HIF1AN: variants seen among roughly 807,000 people sequenced by gnomAD.
The protein encoded by HIF1AN is hypoxia inducible factor 1 subunit alpha inhibitor, also known as hypoxia-inducible factor 1-alpha inhibitor.
Under a neutral mutation model 47.7 loss-of-function variants are expected in HIF1AN, and 21 were observed. The ratio of observed to expected loss-of-function variants is 0.44; its 90% confidence interval spans 0.31 to 0.63. The LOEUF (loss-of-function observed/expected upper bound fraction) is 0.63. HIF1AN is among the 30% of genes least tolerant of loss of function. The probability of loss-of-function intolerance (pLI) is 0.07; values close to 1 mark genes in which losing one functional copy is unlikely to be tolerated. For missense variants in HIF1AN, 320 were observed against 432.7 expected (o/e 0.74, Z 2.31); for synonymous variants, 152 against 155.9 (o/e 0.98, Z 0.18).
rs1262230302 is a variant in HIF1AN at position 100,551,543 on chromosome 10, T to C, written c.*3406T>C. 1 of 152,142 alleles carries C rather than the reference T, an allele frequency of 6.6e-6. No homozygotes were observed. Among genetic ancestry groups the C allele is most frequent in the Non-Finnish European group, 1.5e-5 (1 of 68,032 alleles). The allele number at this position is 152,142 out of a possible 1,614,324, so 9.4% of individuals were successfully genotyped here. A position where few individuals can be genotyped will look rare whatever the true frequency, so the allele number is the denominator to read the frequency against. On this transcript the variant is annotated 3_prime_UTR_variant, in exon 8 of 8. Coordinates refer to ENST00000299163, the MANE Select transcript of HIF1AN (RefSeq NM_017902.3). ...CCCAGTTGCCAGCCTGAGATGGATA[T>C]AGGAACAGACATCTTTGGGCATGAG...
rs371283439 is a variant in HIF1AN, at chr10:100,540,721, G to C, written c.516G>C (p.Lys172Asn). ...FLGFNWNWIN[K>N]QQGKRGWGQL... ...GTTTTAACTGGAACTGGATTAATAA[G>C]CAACAGGGAAAGCGTGGCTGGGGGC... The change falls in exon 3 of 8, where the codon AAG becomes AAC. Residue 172 changes from lysine to asparagine, a missense_variant. This residue lies in a region of HIF1AN where 161 missense variants were observed against 272.8 expected (regional missense o/e 0.59). Coordinates refer to ENST00000299163, the MANE Select transcript of HIF1AN (RefSeq NM_017902.3). The C allele has an allele frequency of 8.1e-6, 13 of 1,613,732 alleles. No individual in the cohort carries two copies. Among genetic ancestry groups the C allele is most frequent in the Non-Finnish European group, 1.1e-5 (13 of 1,179,872 alleles).
In HIF1AN at chr10:100,556,122, C is replaced by G. The variant is rs1843213048; in HGVS notation, c.*7985C>G. The G allele has an allele frequency of 6.6e-6, 1 of 152,194 alleles. No individual in the cohort carries two copies. The highest frequency in any genetic ancestry group is 2.4e-5 in the African/African-American group (1 of 41,428). The allele number at this position is 152,194 out of a possible 1,614,324, so 9.4% of individuals were successfully genotyped here. ...TAGCTTTCTGTCTAAGTTCCTGTTT[C>G]TAGTCTCAGGGCATATCTAGTTGTC... On this transcript the variant is annotated 3_prime_UTR_variant, in exon 8 of 8. Coordinates refer to ENST00000299163, the MANE Select transcript of HIF1AN (RefSeq NM_017902.3).
intron 3 of HIF1AN, 149 bp from the exon 4 acceptor site, chr10:100,544,801 TA>T: frequency 1.5e-6 from 1 of 666,842 alleles, no homozygotes; most frequent in Non-Finnish European, 2.6e-6. Flanking sequence ...CTGAGAGTTG[TA>T]ATTGGAATTT....
chr10:100,542,900 C>A (rs1035658469), intron 3 of HIF1AN, among the ~76,000 whole-genome samples: 3 of 128,396 alleles, frequency 2.3e-5, no homozygotes, highest in Non-Finnish European at 4.7e-5. Context: ...CCCTTAAACT[C>A]CACTCAGGAG....
intron 3 of HIF1AN, among the ~76,000 whole-genome samples, chr10:100,541,494 TTTG>T (rs1038251584): frequency 5.9e-5 from 9 of 152,140 alleles, no homozygotes; most frequent in Non-Finnish European, 8.8e-5. Context: ...TCTGTTTTTT[TTTG>T]TTGTTGTTGT....
intron 3 of HIF1AN, among the ~76,000 whole-genome samples, chr10:100,542,806 C>T (rs1348051382): frequency 6.8e-6 from 1 of 146,804 alleles, no homozygotes; most frequent in East Asian, 2.0e-4. Context: ...GTGTTTTCTG[C>T]TAGAGAAATT....
chr10:100,540,598 C>T, intron 2 of HIF1AN, 36 bp from the exon 3 acceptor site: 1 of 1,611,330 alleles, frequency 6.2e-7, no homozygotes, highest in Non-Finnish European at 8.5e-7. Flanking sequence ...GCTGTGTGTG[C>T]ATGCACTAAT....
Position 100,549,905 on chromosome 10 carries a change from T to G in HIF1AN, c.*1768T>G, listed in dbSNP as rs567148312. On this transcript the variant is annotated 3_prime_UTR_variant, in exon 8 of 8. Coordinates refer to ENST00000299163, the MANE Select transcript of HIF1AN (RefSeq NM_017902.3). ...GTTTTTTGGGGAGGGGTGTTTATTT[T>G]TAGTACCCCATTCTGGGGTTCTCTG... 6.6e-6 allele frequency: 1 copy of G among 152,308 alleles called. No homozygotes were observed. Among genetic ancestry groups the G allele is most frequent in the South Asian group, 2.1e-4 (1 of 4,824 alleles). The allele number at this position is 152,308 out of a possible 1,614,324, so 9.4% of individuals were successfully genotyped here. A position where few individuals can be genotyped will look rare whatever the true frequency, so the allele number is the denominator to read the frequency against.
Position 100,553,708 on chromosome 10 carries a change from TCTAG to T in HIF1AN, c.*5574_*5577del, listed in dbSNP as rs1163942824. 1 of 152,282 alleles carries T rather than the reference TCTAG, an allele frequency of 6.6e-6. No individual in the cohort carries two copies. The highest frequency in any genetic ancestry group is 1.5e-5 in the Non-Finnish European group (1 of 68,072). The allele number at this position is 152,282 out of a possible 1,614,324, so 9.4% of individuals were successfully genotyped here. ...GAGTCACATATAGTTGGTTTGAATTTCTAGCTTCACTACTTACCAGCTGGGTTTG... is the reference window on the plus strand; with the variant it reads ...GAGTCACATATAGTTGGTTTGAATTTCTTCACTACTTACCAGCTGGGTTTG... On this transcript the variant is annotated 3_prime_UTR_variant, in exon 8 of 8. Coordinates refer to ENST00000299163, the MANE Select transcript of HIF1AN (RefSeq NM_017902.3).
In HIF1AN at chr10:100,549,689, C is replaced by G. The variant is rs1843135905; in HGVS notation, c.*1552C>G. On this transcript the variant is annotated 3_prime_UTR_variant, in exon 8 of 8. Coordinates refer to ENST00000299163, the MANE Select transcript of HIF1AN (RefSeq NM_017902.3). ...GTGGCCCTGTGTCTCCTCACCTCTGCTCCTGTCTTCATCACCTTCTCTCTG... is the reference window on the plus strand; with the variant it reads ...GTGGCCCTGTGTCTCCTCACCTCTGGTCCTGTCTTCATCACCTTCTCTCTG... 1 of 152,042 alleles carries G rather than the reference C, an allele frequency of 6.6e-6. No individual in the cohort carries two copies. The highest frequency in any genetic ancestry group is 2.4e-5 in the African/African-American group (1 of 41,378). The allele number at this position is 152,042 out of a possible 1,614,324, so 9.4% of individuals were successfully genotyped here. A position where few individuals can be genotyped will look rare whatever the true frequency, so the allele number is the denominator to read the frequency against.
At chr10:100,544,853 G>A in intron 3 of HIF1AN, 98 bp from the exon 4 acceptor site, 1 of 1,137,572 alleles carries the variant, frequency 8.8e-7, no homozygotes, top group Middle Eastern at 2.3e-4. Flanking sequence ...CTTTTAGCTG[G>A]GAGGGCAGGC....
At position 100,536,519 on chromosome 10, in the gene HIF1AN, A is replaced by G; in HGVS notation, c.286A>G (p.Ser96Gly). Reference protein sequence around the residue: ...GNGDFSVYSASTHKFLYYDEK... With the variant: ...GNGDFSVYSAGTHKFLYYDEK... ...TGGAGACTTCTCTGTGTACAGTGCCAGCACCCACAAGTTCTTGTACTATGA... is the reference window on the plus strand; with the variant it reads ...TGGAGACTTCTCTGTGTACAGTGCCGGCACCCACAAGTTCTTGTACTATGA... The change falls in exon 2 of 8, where the codon AGC becomes GGC. Residue 96 changes from serine (S) to glycine (G), a missense_variant. By Grantham distance (56) the Ser-to-Gly change is moderately conservative. This residue lies in a region of HIF1AN where 159 missense variants were observed against 159.9 expected (regional missense o/e 0.99). Coordinates refer to ENST00000299163, the MANE Select transcript of HIF1AN (RefSeq NM_017902.3). 1 of 1,614,222 alleles carries G rather than the reference A, an allele frequency of 6.2e-7. No individual in the cohort carries two copies. The highest frequency in any genetic ancestry group is 8.5e-7 in the Non-Finnish European group (1 of 1,180,042).
rs1347398613 is a variant in HIF1AN at position 100,554,825 on chromosome 10, T to TTA, written c.*6690_*6691dup. 2 of 148,656 alleles carry TTA rather than the reference T, an allele frequency of 1.3e-5. No individual in the cohort carries two copies. The highest frequency in any genetic ancestry group is 3.9e-4 in the East Asian group (2 of 5,112). The allele number at this position is 148,656 out of a possible 1,614,324, so 9.2% of individuals were successfully genotyped here. A position where few individuals can be genotyped will look rare whatever the true frequency, so the allele number is the denominator to read the frequency against. On this transcript the variant is annotated 3_prime_UTR_variant, in exon 8 of 8. Transcript: ENST00000299163. ...CCCTCTCAAAAAAAAAAAAAAAAAA[T>TTA]TATGAGTATGTTAAGATTGTTCTAG...
intron 5 of HIF1AN, among the ~76,000 whole-genome samples, 200 bp downstream of exon 5, chr10:100,546,249 C>T (rs879702570): frequency 6.6e-6 from 1 of 151,960 alleles, no homozygotes; most frequent in Non-Finnish European, 1.5e-5. Context: ...GACAGGATGA[C>T]GGTTCTTCAA....
At chr10:100,536,370 A>G (rs557027793) in intron 1 of HIF1AN, 41 bp from the exon 2 acceptor site, 1 of 1,605,896 alleles carries the variant, frequency 6.2e-7, no homozygotes, top group South Asian at 1.1e-5. Flanking sequence ...GCTCCTTGGC[A>G]TTACTTCATT....
At chr10:100,538,468 T>C (rs183464067) in intron 2 of HIF1AN, among the ~76,000 whole-genome samples, 1 of 152,264 alleles carries the variant, frequency 6.6e-6, no homozygotes, top group East Asian at 1.9e-4. Context: ...ATTATTATCT[T>C]TGGGGAGCGT....
intron 3 of HIF1AN, among the ~76,000 whole-genome samples, chr10:100,542,106 G>A (rs955067575): frequency 7.9e-5 from 12 of 151,502 alleles, no homozygotes; most frequent in Non-Finnish European, 1.8e-4. Flanking sequence ...TTAAAAAATG[G>A]TAGTTTGGGA....
chr10:100,540,943 C>G (rs1233989978), intron 3 of HIF1AN, among the ~76,000 whole-genome samples, 161 bp downstream of exon 3: 1 of 152,066 alleles, frequency 6.6e-6, no homozygotes, highest in East Asian at 1.9e-4. Context: ...GGCTGGATGC[C>G]GTGGCTCACG....
rs1388789338 is a variant in HIF1AN, at chr10:100,549,987, G to A, written c.*1850G>A. On this transcript the variant is annotated 3_prime_UTR_variant, in exon 8 of 8. Coordinates refer to ENST00000299163, the MANE Select transcript of HIF1AN (RefSeq NM_017902.3). ...CTCAAGTGTAGCTCTTTCAAATATA[G>A]TCAATGCTGGGAAATGTGATTGCAG... The A allele has an allele frequency of 6.6e-6, 1 of 152,132 alleles. No individual in the cohort carries two copies. Among genetic ancestry groups the A allele is most frequent in the Non-Finnish European group, 1.5e-5 (1 of 68,038 alleles). 9.4% of individuals were successfully genotyped at this position (152,132 alleles called of 1,614,324 possible).
Sources: gnomAD v4.1 joint callset for allele counts (sites outside exome capture counted in the v4.1 genomes callset) on GRCh38, gnomAD v4.1.1 for gene constraint, gnomAD v4.1.1 regional missense constraint, MANE v1.5 for transcripts, NCBI Gene and HGNC (gene_info 2026-07-23, HGNC 2026-07-21) for gene names.